SLC35E2B: variants seen among roughly 807,000 people sequenced by gnomAD.
SLC35E2B encodes the protein solute carrier family 35, member E2B.
Under a neutral mutation model 32.4 loss-of-function variants are expected in SLC35E2B, and 18 were observed. The ratio of observed to expected loss-of-function variants is 0.56; its 90% confidence interval spans 0.38 to 0.82. SLC35E2B has a LOEUF of 0.82. Among genes scored for constraint, SLC35E2B ranks in the 40% least tolerant of loss-of-function variants. The pLI is 0.00. For synonymous variants in SLC35E2B, 132 were observed against 209.1 expected (o/e 0.63, Z 3.18); for missense variants, 263 against 469.5 (o/e 0.56, Z 4.06).
chr1:1,686,147 T>G (rs28736713), intron 2 of SLC35E2B, among the ~76,000 whole-genome samples: 53,207 of 151,816 alleles, frequency 0.35, 11,064 homozygotes, highest in East Asian at 0.54. Context: ...GGGGATTACA[T>G]GCACGTGCCA....
intron 2 of SLC35E2B, among the ~76,000 whole-genome samples, chr1:1,678,455 C>T (rs1290350848): frequency 6.6e-6 from 1 of 152,066 alleles, no homozygotes; most frequent in Non-Finnish European, 1.5e-5. Context: ...CTCTCTCCTC[C>T]CCTCCCCCTG....
rs1333582549 is a variant in SLC35E2B at position 1,675,504 on chromosome 1, A to G, written c.545T>C (p.Phe182Ser). Residue 182 changes from phenylalanine (F) to serine (S), a missense_variant, in exon 5 of 10, where the codon TTC (phenylalanine) becomes TCC (serine). Phe to Ser is a radical substitution (Grantham distance 155). Around this residue, in one of 7 missense-constraint regions of SLC35E2B, gnomAD observed 129 missense variants for 164.5 expected, o/e 0.78. Coordinates refer to ENST00000617444, the MANE Select transcript of SLC35E2B (RefSeq NM_001290264.2). ...AETVKSSAPIFTVIMSRMILG... is the reference protein window; with the variant it reads ...AETVKSSAPISTVIMSRMILG... Reference sequence around the variant, plus strand: ...AATCATCCGAGACATGATCACCGTGAAGATGGGGGCGGAGCTCTTCACCGT... The same window carrying G: ...AATCATCCGAGACATGATCACCGTGGAGATGGGGGCGGAGCTCTTCACCGT... 1.9e-6 allele frequency: 3 copies of G among 1,593,548 alleles called. No homozygotes were observed. The highest frequency in any genetic ancestry group is 8.5e-7 in the Non-Finnish European group (1 of 1,169,726).
intron 2 of SLC35E2B, among the ~76,000 whole-genome samples, chr1:1,681,401 G>A (rs780737021): frequency 4.5e-4 from 68 of 151,422 alleles, no homozygotes; most frequent in Admixed American, 7.9e-4. Flanking sequence ...TAGAGACAGG[G>A]TTTCACCATG....
chr1:1,685,828 C>T lies in SLC35E2B; in HGVS notation c.-148+5148G>A, dbSNP rs575561688. Among the ~76,000 whole-genome samples the T allele has an allele frequency of 3.7e-4, 56 of 152,220 alleles. 1 individual carries two copies. In the South Asian group the frequency reaches 6.4e-3, roughly 17 times the overall value. On this transcript the variant is annotated intron_variant, in intron 2 of 9. Coordinates refer to ENST00000617444, the MANE Select transcript of SLC35E2B (RefSeq NM_001290264.2). ...AAACAAATACCGAGTTCTAAACATG[C>T]TTTTTTCCCTTTTCTTTTCTTGAGA...
intron 5 of SLC35E2B, among the ~76,000 whole-genome samples, chr1:1,674,947 A>T (rs1643804511): frequency 1.3e-5 from 2 of 152,116 alleles, no homozygotes; most frequent in African/African-American, 4.8e-5. Flanking sequence ...ATGTCGCTGG[A>T]AATCGCCTGT....
chr1:1,680,401 C>T (rs1434928838), intron 2 of SLC35E2B, among the ~76,000 whole-genome samples: 2 of 152,226 alleles, frequency 1.3e-5, no homozygotes, highest in African/African-American at 4.8e-5. Flanking sequence ...CGCGGGTTCT[C>T]TGTCCGATCA....
intron 2 of SLC35E2B, among the ~76,000 whole-genome samples, chr1:1,684,762 C>A: frequency 7.8e-6 from 1 of 128,692 alleles, no homozygotes; most frequent in East Asian, 2.6e-4. Flanking sequence ...TGCACTCCAG[C>A]CTGGGCAACA....
In SLC35E2B at chr1:1,689,947, G is replaced by A. The variant is rs572770109; in HGVS notation, c.-148+1029C>T. Among the ~76,000 whole-genome samples the A allele has an allele frequency of 5.0e-4, 74 of 146,944 alleles. 1 individual carries two copies. The highest frequency in any genetic ancestry group is 1.2e-3 in the Admixed American group (17 of 14,486). ...GGTTGCAGTGAGCCCAGACTGCGCC[G>A]CTGCACTCCAGCCTGGGCAACAGGG... is the stretch of plus-strand genomic sequence containing the variant. On this transcript the variant is annotated intron_variant, in intron 2 of 9. Coordinates refer to ENST00000617444, the MANE Select transcript of SLC35E2B (RefSeq NM_001290264.2).
At chr1:1,687,351 C>T (rs1042581930) in intron 2 of SLC35E2B, among the ~76,000 whole-genome samples, 16 of 152,018 alleles carry the variant, frequency 1.1e-4, no homozygotes, top group African/African-American at 3.4e-4. Context: ...CTGAGGCAGG[C>T]GGATTACCCG....
At chr1:1,668,521 C>T in intron 8 of SLC35E2B, 49 bp from the exon 9 acceptor site, 2 of 1,614,072 alleles carry the variant, frequency 1.2e-6, no homozygotes, top group Non-Finnish European at 1.7e-6. Flanking sequence ...TTTCCATTTA[C>T]TAATCATCCA....
chr1:1,680,695 C>G (rs1643893056), intron 2 of SLC35E2B, among the ~76,000 whole-genome samples: 1 of 152,152 alleles, frequency 6.6e-6, no homozygotes, highest in African/African-American at 2.4e-5. Flanking sequence ...CGTCCTCACC[C>G]CCAGCATCCC....
intron 2 of SLC35E2B, among the ~76,000 whole-genome samples, chr1:1,689,040 T>C (rs969932601): frequency 7.2e-5 from 11 of 151,912 alleles, no homozygotes; most frequent in Admixed American, 3.3e-4. Flanking sequence ...GACGTGGTGG[T>C]GGGTGCCAGT....
At chr1:1,669,762 C>T (rs1643637351) in intron 7 of SLC35E2B, 26 bp from the exon 8 acceptor site, 1 of 1,548,358 alleles carries the variant, frequency 6.5e-7, no homozygotes, top group East Asian at 2.4e-5. Context: ...CACGCTGGGC[C>T]CCCCGTGTCG....
chr1:1,687,159 G>C (rs28561498), intron 2 of SLC35E2B, among the ~76,000 whole-genome samples: 1 of 151,876 alleles, frequency 6.6e-6, no homozygotes, highest in African/African-American at 2.4e-5. Flanking sequence ...GCACAGGCTT[G>C]AACGGATGGG....
rs377386046 is a variant in SLC35E2B at position 1,662,496 on chromosome 1, G to A, written c.*3286C>T. The A allele has an allele frequency of 1.7e-3, 1,235 of 742,696 alleles. 39 individuals are homozygous for A. In the African/African-American group the frequency reaches 0.02, roughly 12 times the overall value. 46.0% of individuals were successfully genotyped at this position (742,696 alleles called of 1,614,324 possible). ...CAAGGATTTTAAAGGCAGCTACAAAGCTGAGCTCTATTTGCTGATGATAGT... is the reference window on the plus strand; with the variant it reads ...CAAGGATTTTAAAGGCAGCTACAAAACTGAGCTCTATTTGCTGATGATAGT... On this transcript the variant is annotated 3_prime_UTR_variant, in exon 10 of 10. Transcript: ENST00000617444.
chr1:1,673,202 T>G, intron 5 of SLC35E2B: 1 of 339,258 alleles, frequency 2.9e-6, no homozygotes, highest in Non-Finnish European at 5.9e-6. Flanking sequence ...AGACCCCATC[T>G]CTATAGAAAA....
chr1:1,677,551 C>T (rs1643864338), intron 2 of SLC35E2B, among the ~76,000 whole-genome samples: 1 of 150,096 alleles, frequency 6.7e-6, no homozygotes, highest in African/African-American at 2.5e-5. Flanking sequence ...GATCTGGGCT[C>T]ACTGCAAGCT....
chr1:1,690,616 G>GT (rs1282226184), intron 2 of SLC35E2B, among the ~76,000 whole-genome samples: 1 of 120,442 alleles, frequency 8.3e-6, no homozygotes, highest in Non-Finnish European at 1.7e-5. Context: ...GCAGGCGCCT[G>GT]TAATCCCAGC....
At chr1:1,672,639 T>C (rs1643727067) in intron 5 of SLC35E2B, 1 of 152,368 alleles carries the variant, frequency 6.6e-6, no homozygotes, top group South Asian at 2.1e-4. Flanking sequence ...TAGACGCCTA[T>C]ATCCAGCACC....
Sources: gnomAD v4.1 joint callset for allele counts (sites outside exome capture counted in the v4.1 genomes callset) on GRCh38, gnomAD v4.1.1 for gene constraint, gnomAD v4.1.1 regional missense constraint, MANE v1.5 for transcripts, NCBI Gene and HGNC (gene_info 2026-07-23, HGNC 2026-07-21) for gene names.